Variants in MPP7 observed in about 807,000 individuals in gnomAD.
MPP7 encodes MAGUK p55 scaffold protein 7.
In MPP7, 60 loss-of-function variants were observed where a neutral mutation model predicts 76.5. The ratio of observed to expected loss-of-function variants is 0.78; its 90% CI spans 0.64 to 0.97. The LOEUF is 0.97. Ranked by LOEUF, MPP7 falls within the 50% of genes least tolerant of loss-of-function variation. The pLI is 0.00. For synonymous variants in MPP7, 237 were observed against 244.5 expected (o/e 0.97, Z 0.29); for missense variants, 641 against 694.0 (o/e 0.92, Z 0.86).
intron 1 of MPP7, among the ~76,000 whole-genome samples, chr10:28,274,551 C>T (rs1320707934): frequency 6.6e-6 from 1 of 152,042 alleles, no homozygotes; most frequent in African/African-American, 2.4e-5. Context: ...TTCTGATAGC[C>T]CTCTAATAAA....
At chr10:28,166,422 T>G (rs1402502504) in intron 3 of MPP7, among the ~76,000 whole-genome samples, 1,938 of 146,618 alleles carry the variant, frequency 0.013, 40 homozygotes, top group African/African-American at 0.047. Flanking sequence ...TTTTTTTTTT[T>G]TTGGGACAGA....
intron 3 of MPP7, among the ~76,000 whole-genome samples, chr10:28,173,227 G>GAAAAAAAAAAAA (rs71523597): frequency 8.6e-6 from 1 of 116,614 alleles, no homozygotes. Flanking sequence ...GAGTAGCGAT[G>GAAAAAAAAAAAA]AAAAAAAAAA....
intron 1 of MPP7, among the ~76,000 whole-genome samples, chr10:28,333,039 T>C (rs1257417640): frequency 2.0e-5 from 3 of 152,202 alleles, no homozygotes; most frequent in Non-Finnish European, 4.4e-5. Flanking sequence ...AATCCATTCA[T>C]GTCTGGGGAC....
chr10:28,092,740 ATT>A (rs536385197), intron 11 of MPP7, among the ~76,000 whole-genome samples: 2,073 of 105,476 alleles, frequency 0.02, 61 homozygotes, highest in African/African-American at 0.075. Context: ...ACCTGGCTCA[ATT>A]TTTTTTTTTT....
At chr10:28,279,157 C>T (rs752362021) in intron 1 of MPP7, among the ~76,000 whole-genome samples, 2 of 152,004 alleles carry the variant, frequency 1.3e-5, no homozygotes, top group Non-Finnish European at 2.9e-5. Flanking sequence ...CGGGCAAGTT[C>T]TCCAGTGGCA....
At chr10:28,151,919 G>A (rs1048932092) in intron 3 of MPP7, among the ~76,000 whole-genome samples, 3 of 152,152 alleles carry the variant, frequency 2.0e-5, no homozygotes, top group Non-Finnish European at 4.4e-5. Flanking sequence ...AGGAAGGCTG[G>A]AAAGATATAT....
intron 3 of MPP7, among the ~76,000 whole-genome samples, chr10:28,150,745 TATA>T (rs552776319): frequency 9.5e-4 from 145 of 152,156 alleles, no homozygotes; most frequent in African/African-American, 3.3e-3. Flanking sequence ...GTAAAATAAT[TATA>T]ATAATAAATT....
At chr10:28,247,168 G>A (rs1401761350) in intron 1 of MPP7, among the ~76,000 whole-genome samples, 2 of 152,102 alleles carry the variant, frequency 1.3e-5, no homozygotes, top group East Asian at 3.9e-4. Flanking sequence ...CAACACAATA[G>A]TTCCAAAAAT....
In MPP7 at chr10:28,272,584, T is replaced by C. The variant is rs148405438; in HGVS notation, c.-132+30277A>G. 2.0e-5 allele frequency among the ~76,000 whole-genome samples: 3 copies of C among 152,276 alleles called. No individual in the cohort carries two copies. In the East Asian group the frequency reaches 5.8e-4, roughly 29 times the overall value. Reference sequence around the variant, plus strand: ...GAAAGTAATTTCATTCCAGTAGCAATTGCTAATGAATAATCAACAGATATA... The same window carrying C: ...GAAAGTAATTTCATTCCAGTAGCAACTGCTAATGAATAATCAACAGATATA... On this transcript the variant is annotated intron_variant, in intron 1 of 16. Coordinates refer to ENST00000683449, the MANE Select transcript of MPP7 (RefSeq NM_001318170.2).
At chr10:28,215,769 C>A (rs1456395867) in intron 2 of MPP7, among the ~76,000 whole-genome samples, 1 of 152,134 alleles carries the variant, frequency 6.6e-6, no homozygotes, top group Non-Finnish European at 1.5e-5. Context: ...GCTAACCTTA[C>A]AGAATTGTTA....
intron 3 of MPP7, among the ~76,000 whole-genome samples, chr10:28,164,995 T>C (rs978138253): frequency 1.3e-5 from 2 of 152,198 alleles, no homozygotes; most frequent in Non-Finnish European, 1.5e-5. Context: ...AGTTAATGAA[T>C]GGCTTAACAC....
chr10:28,109,680 C>T (rs901334698), intron 11 of MPP7, among the ~76,000 whole-genome samples: 1 of 151,292 alleles, frequency 6.6e-6, no homozygotes, highest in African/African-American at 2.4e-5. Context: ...GTAATGACTT[C>T]GAGGAAAGCA....
chr10:28,269,712 G>A (rs1840262132), intron 1 of MPP7, among the ~76,000 whole-genome samples: 1 of 151,816 alleles, frequency 6.6e-6, no homozygotes, highest in African/African-American at 2.4e-5. Flanking sequence ...AATTTTTTTA[G>A]AGATGGGGTT....
rs544355445 is a variant in MPP7, at chr10:28,291,962, C to T, written c.-132+10899G>A. 2.0e-5 allele frequency among the ~76,000 whole-genome samples: 3 copies of T among 152,288 alleles called. No individual in the cohort carries two copies. In the East Asian group the frequency reaches 5.8e-4, roughly 29 times the overall value. The stretch of plus-strand genomic sequence containing the variant: ...GCCCTAGGCCTTCACATTCACTCAC[C>T]ACCCACTCACTGACTCACCCAGAGC... On this transcript the variant is annotated intron_variant, in intron 1 of 16. Transcript: ENST00000683449.
intron 2 of MPP7, among the ~76,000 whole-genome samples, chr10:28,226,668 TTAAAAATGG>T: frequency 9.6e-6 from 1 of 104,560 alleles, no homozygotes; most frequent in South Asian, 2.9e-4. Flanking sequence ...AATTTTATAC[TTAAAAATGG>T]TAAAAATGGC....
intron 1 of MPP7, among the ~76,000 whole-genome samples, chr10:28,279,369 G>A (rs1840599018): frequency 6.6e-6 from 1 of 152,010 alleles, no homozygotes; most frequent in South Asian, 2.1e-4. Flanking sequence ...TTCCTTCTAA[G>A]AGGTGAATCT....
intron 3 of MPP7, among the ~76,000 whole-genome samples, chr10:28,167,994 T>C (rs1405987836): frequency 2.0e-5 from 3 of 152,200 alleles, no homozygotes; most frequent in African/African-American, 7.2e-5. Context: ...CCCAGCACTT[T>C]GGGAGGCCAA....
chr10:28,208,768 G>C (rs1838030616), intron 2 of MPP7, among the ~76,000 whole-genome samples: 2 of 152,296 alleles, frequency 1.3e-5, no homozygotes, highest in African/African-American at 4.8e-5. Context: ...TTGGAGCTAA[G>C]AGGCAATAAA....
chr10:28,314,172 T>C (rs1035166448), intron 2 of MPP7, among the ~76,000 whole-genome samples: 3 of 152,240 alleles, frequency 2.0e-5, no homozygotes, highest in African/African-American at 7.2e-5. Flanking sequence ...CTGTCATTCA[T>C]TCAACAAACA....
Sources: allele counts gnomAD v4.1 joint callset (sites outside exome capture counted in the v4.1 genomes callset), GRCh38; gene constraint gnomAD v4.1.1; transcripts MANE v1.5; gene names NCBI Gene and HGNC (gene_info 2026-07-23, HGNC 2026-07-21).